Variants in MGLL observed in about 807,000 individuals in gnomAD.
The protein encoded by MGLL is lysophospholipase homolog.
In MGLL, 7 loss-of-function variants were observed where a neutral mutation model predicts 29.1. The observed-to-expected ratio is 0.24, with a 90% CI of 0.14 to 0.45. The LOEUF is 0.45. Ranked by LOEUF, MGLL falls within the 20% of genes least tolerant of loss-of-function variation. The pLI is 0.99. For synonymous variants in MGLL, 148 were observed against 168.3 expected, an observed-to-expected ratio of 0.88 and a Z score of 0.93; for missense variants, 356 against 413.6, an observed-to-expected ratio of 0.86 and a Z score of 1.21.
upstream of MGLL, chr3:127,822,577 T>C (rs972924453): frequency 1.9e-6 from 1 of 533,492 alleles, no homozygotes; most frequent in Admixed American, 3.6e-5. Flanking sequence ...CTAGTTCATG[T>C]CATCACTTTT....
At chr3:127,756,180 G>A (rs1291067249) in intron 3 of MGLL, among the ~76,000 whole-genome samples, 1 of 152,218 alleles carries the variant, frequency 6.6e-6, no homozygotes, top group African/African-American at 2.4e-5. Context: ...GGAGCAGATA[G>A]AAGAAGTTGG....
At chr3:127,777,333 T>G (rs1424253590) in intron 3 of MGLL, among the ~76,000 whole-genome samples, 2 of 152,202 alleles carry the variant, frequency 1.3e-5, no homozygotes, top group African/African-American at 2.4e-5. Flanking sequence ...GAGTGTGGCA[T>G]GGCAGAGATG....
chr3:127,705,803 A>G (rs1344127839), intron 6 of MGLL, among the ~76,000 whole-genome samples: 1 of 151,990 alleles, frequency 6.6e-6, no homozygotes, highest in Non-Finnish European at 1.5e-5. Flanking sequence ...AAGAAGAAGA[A>G]GAAGAAGACA....
intron 3 of MGLL, among the ~76,000 whole-genome samples, chr3:127,754,369 C>T (rs950562468): frequency 6.8e-6 from 1 of 148,124 alleles, no homozygotes; most frequent in East Asian, 2.0e-4. Flanking sequence ...AAAAAAAAAA[C>T]CAGATCTATC....
rs1370377714 is a variant in MGLL at position 127,695,071 on chromosome 3, G to A, written c.720C>T (p.Pro240=). The part of the protein sequence containing the change: ...VERALPKLTV[P]FLLLQGSADR... ...CGGCAGAGCCCTGGAGCAGCAGGAA[G>A]GGCACAGTCAGCTTGGGGAGGGCGC... Residue 240 remains proline, a synonymous_variant, in exon 7 of 8, where the codon CCC becomes CCT. Coordinates refer to ENST00000265052, the MANE Select transcript of MGLL (RefSeq NM_007283.7). 6.2e-7 allele frequency: 1 copy of A among 1,614,164 alleles called. No individual in the cohort carries two copies. The highest frequency in any genetic ancestry group is 1.1e-5 in the South Asian group (1 of 91,082).
rs531758209 is a variant in MGLL at position 127,703,983 on chromosome 3, C to T, written c.600+6593G>A. 2.0e-5 allele frequency among the ~76,000 whole-genome samples: 3 copies of T among 152,214 alleles called. No homozygotes were observed. The East Asian group carries it at 5.8e-4, about 29-fold the overall frequency. ...ATGCTACCTAACTTCAAACTACATT[C>T]CAAGACTACAGTAACCAAAACAGCA... On this transcript the variant is annotated intron_variant, in intron 6 of 7. Coordinates refer to ENST00000265052, the MANE Select transcript of MGLL (RefSeq NM_007283.7).
At chr3:127,703,402 G>T (rs1253514129) in intron 6 of MGLL, among the ~76,000 whole-genome samples, 1 of 152,214 alleles carries the variant, frequency 6.6e-6, no homozygotes, top group Non-Finnish European at 1.5e-5. Flanking sequence ...GTCTTAAATG[G>T]TGACAACTGT....
chr3:127,734,387 C>A (rs937470437), intron 3 of MGLL, among the ~76,000 whole-genome samples: 1 of 152,208 alleles, frequency 6.6e-6, no homozygotes, highest in African/African-American at 2.4e-5. Flanking sequence ...ATGGAAGCAT[C>A]GCCCACTGCC....
chr3:127,722,337 G>A (rs987030290), intron 4 of MGLL, 93 bp downstream of exon 4: 31 of 1,530,600 alleles, frequency 2.0e-5, no homozygotes, highest in Non-Finnish European at 2.8e-5. Context: ...CAGGCAGAGA[G>A]CAGTGGGGGG....
intron 6 of MGLL, among the ~76,000 whole-genome samples, chr3:127,708,322 C>T (rs2075643008): frequency 6.6e-6 from 1 of 152,208 alleles, no homozygotes; most frequent in Non-Finnish European, 1.5e-5. Flanking sequence ...GGCCACCTCC[C>T]TTCCTCATGT....
chr3:127,776,631 G>A (rs960439197), intron 3 of MGLL, among the ~76,000 whole-genome samples: 3 of 152,190 alleles, frequency 2.0e-5, no homozygotes, highest in African/African-American at 7.2e-5. Context: ...CGCATCCATG[G>A]CACTTACGGG....
chr3:127,696,204 C>G (rs13086586), intron 6 of MGLL, among the ~76,000 whole-genome samples: 1 of 151,940 alleles, frequency 6.6e-6, no homozygotes, highest in African/African-American at 2.4e-5. Context: ...TCTTGCCTTT[C>G]AAGGGGCTGC....
At chr3:127,807,963 T>C (rs2077597818) in intron 2 of MGLL, among the ~76,000 whole-genome samples, 2 of 152,074 alleles carry the variant, frequency 1.3e-5, no homozygotes, top group South Asian at 2.1e-4. Flanking sequence ...GATTTCACCA[T>C]GTTAGTCAGG....
chr3:127,750,025 T>C (rs923746220), intron 3 of MGLL, among the ~76,000 whole-genome samples: 1 of 152,014 alleles, frequency 6.6e-6, no homozygotes, highest in Non-Finnish European at 1.5e-5. Context: ...CACGGGGGCC[T>C]TGTAGGCTTC....
upstream of MGLL, chr3:127,822,973 C>A (rs1189380127): frequency 6.6e-6 from 1 of 152,298 alleles, no homozygotes; most frequent in Non-Finnish European, 1.5e-5. Flanking sequence ...CACACACACA[C>A]GCACACATGG....
intron 3 of MGLL, among the ~76,000 whole-genome samples, chr3:127,781,194 T>TGTGTGTTTTAC (rs1467286977): frequency 6.6e-6 from 1 of 152,194 alleles, no homozygotes; most frequent in African/African-American, 2.4e-5. Flanking sequence ...TATGTGTGTA[T>TGTGTGTTTTAC]GTGTGTTTTA....
intron 6 of MGLL, among the ~76,000 whole-genome samples, chr3:127,701,091 TG>T (rs1262682683): frequency 6.6e-6 from 1 of 151,576 alleles, no homozygotes; most frequent in Non-Finnish European, 1.5e-5. Context: ...GGTGCACACC[TG>T]TAGTCCCAGC....
intron 2 of MGLL, chr3:127,783,998 G>C (rs965852575): frequency 1.3e-5 from 2 of 152,188 alleles, no homozygotes; most frequent in African/African-American, 4.8e-5. Flanking sequence ...ACAGGTCGTT[G>C]AGCTGGATCA....
chr3:127,752,866 T>C (rs1199596712), intron 3 of MGLL, among the ~76,000 whole-genome samples: 1 of 152,146 alleles, frequency 6.6e-6, no homozygotes, highest in African/African-American at 2.4e-5. Context: ...GCTTGTCAGG[T>C]AGAGTTTTCC....
Sources: gnomAD v4.1 joint callset for allele counts (sites outside exome capture counted in the v4.1 genomes callset) on GRCh38, gnomAD v4.1.1 for gene constraint, MANE v1.5 for transcripts, NCBI Gene and HGNC (gene_info 2026-07-23, HGNC 2026-07-21) for gene names.